Variants in PDE3B observed in about 807,000 individuals in gnomAD.
PDE3B encodes the protein cGMP-inhibited 3',5'-cyclic phosphodiesterase 3B.
In PDE3B, 66 loss-of-function variants were observed where a neutral mutation model predicts 116.8. The observed-to-expected ratio is 0.56, with a 90% CI of 0.46 to 0.69. The LOEUF is 0.69. Among genes scored for constraint, PDE3B ranks in the 30% least tolerant of loss-of-function variants. PDE3B has a pLI of 0.00. For synonymous variants in PDE3B, 595 were observed against 533.6 expected, an observed-to-expected ratio of 1.12 and a Z score of -1.59; for missense variants, 1,384 against 1,368.1, an observed-to-expected ratio of 1.01 and a Z score of -0.18.
chr11:14,889,043 A>G, the PDE3B span, among the ~76,000 whole-genome samples: 4 of 152,214 alleles, frequency 2.6e-5, no homozygotes, highest in African/African-American at 7.2e-5. Context: ...AAATGAATAT[A>G]TAAGTCCTGA....
At chr11:14,782,082 C>G (rs1308873295) in intron 2 of PDE3B, among the ~76,000 whole-genome samples, 3 of 152,096 alleles carry the variant, frequency 2.0e-5, no homozygotes, top group African/African-American at 7.2e-5. Context: ...AATAAAATAC[C>G]TAGGAATCCA....
At chr11:14,798,945 G>A (rs1351125201) in intron 4 of PDE3B, among the ~76,000 whole-genome samples, 1 of 152,022 alleles carries the variant, frequency 6.6e-6, no homozygotes, top group African/African-American at 2.4e-5. Flanking sequence ...GTTCTGTTCT[G>A]ATCTTAGTTA....
intron 1 of PDE3B, among the ~76,000 whole-genome samples, chr11:14,662,624 G>C (rs1017163920): frequency 5.3e-5 from 8 of 152,220 alleles, no homozygotes; most frequent in Non-Finnish European, 1.2e-4. Context: ...GGAGCTGATG[G>C]AGCTGAAAGC....
downstream of PDE3B, among the ~76,000 whole-genome samples, chr11:14,876,404 A>G (rs1470203152): frequency 2.0e-5 from 3 of 152,184 alleles, no homozygotes; most frequent in Non-Finnish European, 4.4e-5. Context: ...TGCTTGGCTT[A>G]GCAAGTGAGG....
At chr11:14,815,671 T>C (rs1186529342) in intron 5 of PDE3B, among the ~76,000 whole-genome samples, 1 of 152,024 alleles carries the variant, frequency 6.6e-6, no homozygotes, top group Non-Finnish European at 1.5e-5. Context: ...TTTCTTTTGA[T>C]AAGAAGCTAG....
At chr11:14,716,326 G>C (rs896271958) in intron 1 of PDE3B, among the ~76,000 whole-genome samples, 1 of 151,282 alleles carries the variant, frequency 6.6e-6, no homozygotes, top group Non-Finnish European at 1.5e-5. Flanking sequence ...ACTGCAAGGC[G>C]GCAGCGAGGC....
chr11:14,891,906 G>C, the PDE3B span: 1 of 1,540,582 alleles, frequency 6.5e-7, no homozygotes, highest in Non-Finnish European at 8.8e-7. Flanking sequence ...GCGGCCATAA[G>C]TCCAACCAGG....
intron 12 of PDE3B, among the ~76,000 whole-genome samples, chr11:14,855,674 AG>A (rs1847836020): frequency 6.6e-6 from 1 of 152,178 alleles, no homozygotes; most frequent in African/African-American, 2.4e-5. Context: ...ACAGAGACAG[AG>A]CAAGAGAAAG....
chr11:14,810,090 C>A (rs1590163875), intron 5 of PDE3B, among the ~76,000 whole-genome samples: 2 of 152,078 alleles, frequency 1.3e-5, no homozygotes, highest in Middle Eastern at 6.8e-3. Flanking sequence ...ATTATAAAAG[C>A]ATATAAGATT....
intron 1 of PDE3B, among the ~76,000 whole-genome samples, chr11:14,729,397 G>A (rs554465795): frequency 1.3e-5 from 2 of 152,258 alleles, no homozygotes; most frequent in South Asian, 2.1e-4. Flanking sequence ...AAGCAATAAA[G>A]TTCTGTCCTG....
At chr11:14,822,108 G>T (rs1323994311) in intron 7 of PDE3B, among the ~76,000 whole-genome samples, 1 of 151,914 alleles carries the variant, frequency 6.6e-6, no homozygotes, top group East Asian at 1.9e-4. Flanking sequence ...TCGCTCTGTT[G>T]CCCAGGCCAG....
chr11:14,695,326 C>T (rs2133811001), intron 1 of PDE3B, among the ~76,000 whole-genome samples: 2 of 151,918 alleles, frequency 1.3e-5, no homozygotes, highest in South Asian at 4.2e-4. Flanking sequence ...TTGAATGGAC[C>T]ACAATTTATT....
At chr11:14,839,290 A>C (rs1360049425) in intron 11 of PDE3B, among the ~76,000 whole-genome samples, 1 of 152,204 alleles carries the variant, frequency 6.6e-6, no homozygotes, top group Non-Finnish European at 1.5e-5. Flanking sequence ...GAAGGATCAA[A>C]TGGAATCTCC....
intron 11 of PDE3B, among the ~76,000 whole-genome samples, chr11:14,837,075 A>G (rs1256359878): frequency 1.3e-5 from 2 of 152,150 alleles, no homozygotes; most frequent in Non-Finnish European, 2.9e-5. Context: ...CAGCCTCTCA[A>G]AGTGTTAGGA....
chr11:14,743,808 G>A lies in PDE3B; in HGVS notation c.979-28129G>A, dbSNP rs550162316. Among the ~76,000 whole-genome samples the A allele has an allele frequency of 1.4e-3, 220 of 152,314 alleles. 1 individual carries two copies. The highest frequency in any genetic ancestry group is 5.1e-3 in the African/African-American group (214 of 41,582). On this transcript the variant is annotated intron_variant, in intron 1 of 15. Transcript: ENST00000282096. ...AGTCCCTCATGGCTTCCCTTGGCTA[G>A]GGGAGGGAGTTCCTCAACCCCTTGC...
At chr11:14,802,301 T>C (rs557083803) in intron 4 of PDE3B, among the ~76,000 whole-genome samples, 1 of 152,294 alleles carries the variant, frequency 6.6e-6, no homozygotes, top group East Asian at 1.9e-4. Flanking sequence ...AGGGAATCTC[T>C]TGGTCTGTGG....
Position 14,832,831 on chromosome 11 carries a change from C to CT in PDE3B, c.2206dup (p.Tyr736LeufsTer37). 7.9e-7 allele frequency: 1 copy of CT among 1,259,276 alleles called. No homozygotes were observed. The highest frequency in any genetic ancestry group is 1.1e-6 in the Non-Finnish European group (1 of 875,834). The allele number at this position is 1,259,276 out of a possible 1,614,324, so 78.0% of individuals were successfully genotyped here. On this transcript the variant is annotated frameshift_variant and splice_region_variant, in exon 10 of 16. Coordinates refer to ENST00000282096, the MANE Select transcript of PDE3B (RefSeq NM_000922.4). LOFTEE classifies it high-confidence loss of function. The stretch of plus-strand genomic sequence containing the variant: ...TTAGAAAATGGCTATCGAGACATTC[C>CT]TTGTAAGTATTAACATATTTTATTA...
chr11:14,892,145 G>C, the PDE3B span: 5 of 1,611,278 alleles, frequency 3.1e-6, no homozygotes, highest in East Asian at 1.1e-4. Context: ...GCGAAGAGCA[G>C]CAGGAAGAGC....
the PDE3B span, among the ~76,000 whole-genome samples, chr11:14,888,359 T>G: frequency 2.0e-5 from 3 of 152,220 alleles, no homozygotes; most frequent in African/African-American, 7.2e-5. Flanking sequence ...TGAATAGTCA[T>G]AGAGACATAC....
Sources: allele counts gnomAD v4.1 joint callset (sites outside exome capture counted in the v4.1 genomes callset), GRCh38; gene constraint gnomAD v4.1.1; transcripts MANE v1.5; gene names NCBI Gene and HGNC (gene_info 2026-07-23, HGNC 2026-07-21).